The following FMN1 variants were observed in gnomAD, a reference collection of about 807,000 sequenced individuals.
FMN1 encodes the protein formin 1, also known as formin-1.
In FMN1, 110 loss-of-function variants were observed where a neutral mutation model predicts 132.4. That is an observed-to-expected ratio of 0.83 (90% CI 0.71 to 0.97). The LOEUF (loss-of-function observed/expected upper bound fraction) is 0.97. Ranked by LOEUF, FMN1 falls within the 50% of genes least tolerant of loss-of-function variation. The pLI, the probability that FMN1 is intolerant of heterozygous loss-of-function variation, is 0.00. For synonymous variants in FMN1, 722 were observed against 651.7 expected (o/e 1.11, Z -1.64); for missense variants, 1,792 against 1,705.3 (o/e 1.05, Z -0.90).
chr15:33,117,035 G>C (rs1428676533), intron 4 of FMN1, among the ~76,000 whole-genome samples: 1 of 152,150 alleles, frequency 6.6e-6, no homozygotes, highest in Non-Finnish European at 1.5e-5. Flanking sequence ...TTTCAGAGGA[G>C]CTATGGACGA....
intron 10 of FMN1, among the ~76,000 whole-genome samples, chr15:32,920,406 A>G (rs2060791581): frequency 6.6e-6 from 1 of 152,160 alleles, no homozygotes; most frequent in Non-Finnish European, 1.5e-5. Flanking sequence ...TTCTTCCTCT[A>G]CAACCAAGGC....
At chr15:33,074,758 G>A (rs2038133870) in intron 5 of FMN1, among the ~76,000 whole-genome samples, 1 of 152,126 alleles carries the variant, frequency 6.6e-6, no homozygotes, top group African/African-American at 2.4e-5. Flanking sequence ...GCTCACGCCT[G>A]TAATCCTAGC....
chr15:32,850,455 G>A (rs903034042), intron 17 of FMN1, among the ~76,000 whole-genome samples: 1 of 152,222 alleles, frequency 6.6e-6, no homozygotes, highest in African/African-American at 2.4e-5. Flanking sequence ...TCTGACCACA[G>A]AAATGTATTA....
chr15:32,909,893 A>T (rs895878490), intron 11 of FMN1, among the ~76,000 whole-genome samples: 16 of 151,424 alleles, frequency 1.1e-4, no homozygotes, highest in African/African-American at 3.4e-4. Flanking sequence ...AAAAAAAAAA[A>T]TCAGAGCCTA....
At position 32,777,680 on chromosome 15, in the gene FMN1, T is replaced by C. The variant is rs1388285947; in HGVS notation, c.4131-761A>G. On this transcript the variant is annotated intron_variant, in intron 19 of 20. Coordinates refer to ENST00000616417, the MANE Select transcript of FMN1 (RefSeq NM_001277313.2). ...TATTACGTATAACATAACACATTTA[T>C]ATATTACGTATAACATATAACACAT... is the stretch of plus-strand genomic sequence containing the variant. Among the ~76,000 whole-genome samples, 2 of 143,782 alleles carry C rather than the reference T, an allele frequency of 1.4e-5. 1 individual carries two copies. Among genetic ancestry groups the C allele is most frequent in the African/African-American group, 5.1e-5 (2 of 39,276 alleles). The allele number at this position is 143,782 out of a possible 152,430, so 94.3% of individuals were successfully genotyped here.
At chr15:32,817,723 T>C (rs2058095890) in intron 17 of FMN1, among the ~76,000 whole-genome samples, 1 of 152,166 alleles carries the variant, frequency 6.6e-6, no homozygotes, top group African/African-American at 2.4e-5. Context: ...TGAGGCTTGG[T>C]TTTTAAAGTG....
chr15:32,806,573 C>CA (rs1015874015), intron 17 of FMN1, among the ~76,000 whole-genome samples: 1 of 152,210 alleles, frequency 6.6e-6, no homozygotes, highest in African/African-American at 2.4e-5. Flanking sequence ...ATAGTATCTA[C>CA]AGTCTTCAAA....
intron 12 of FMN1, among the ~76,000 whole-genome samples, chr15:32,903,716 C>G (rs577759856): frequency 6.6e-6 from 1 of 152,176 alleles, no homozygotes; most frequent in East Asian, 1.9e-4. Flanking sequence ...TTACCTATAA[C>G]TAATCTCAAA....
chr15:33,074,330 A>C (rs950482872), intron 5 of FMN1, among the ~76,000 whole-genome samples: 1 of 152,212 alleles, frequency 6.6e-6, no homozygotes, highest in African/African-American at 2.4e-5. Context: ...TTACACATCT[A>C]GTTTTGTAGC....
rs184062530 is a variant in FMN1, at chr15:32,786,502, G to C, written c.4131-9583C>G. 3.2e-4 allele frequency among the ~76,000 whole-genome samples: 48 copies of C among 152,200 alleles called. 1 individual carries two copies. The highest frequency in any genetic ancestry group is 3.0e-3 in the Admixed American group (46 of 15,292). On this transcript the variant is annotated intron_variant, in intron 19 of 20. Coordinates refer to ENST00000616417, the MANE Select transcript of FMN1 (RefSeq NM_001277313.2). ...AAAAGTCAGAAAAGGGGTATATAGA[G>C]CTTCAAGGATGAAATACAAAAAGGA...
At chr15:33,105,442 T>A (rs962849850) in intron 4 of FMN1, among the ~76,000 whole-genome samples, 5 of 152,116 alleles carry the variant, frequency 3.3e-5, no homozygotes, top group African/African-American at 1.2e-4. Context: ...AAGACTCCCA[T>A]AATATTATCT....
chr15:32,997,827 G>A (rs1157052008), intron 7 of FMN1, among the ~76,000 whole-genome samples: 1 of 151,990 alleles, frequency 6.6e-6, no homozygotes, highest in African/African-American at 2.4e-5. Context: ...GCCCTTTCAG[G>A]AAAGGACAGA....
chr15:32,895,412 A>T (rs1043627631), intron 15 of FMN1, among the ~76,000 whole-genome samples: 20 of 152,138 alleles, frequency 1.3e-4, no homozygotes, highest in African/African-American at 4.3e-4. Context: ...ATACATGTAT[A>T]AATTAGGAAA....
chr15:33,108,838 A>C (rs2039586832), intron 4 of FMN1, among the ~76,000 whole-genome samples: 1 of 152,102 alleles, frequency 6.6e-6, no homozygotes, highest in Non-Finnish European at 1.5e-5. Flanking sequence ...TAAAACCCAA[A>C]AAGCAATTCA....
chr15:32,774,209 A>T lies in FMN1; in HGVS notation c.*101T>A, dbSNP rs1050026926. Reference sequence around the variant, plus strand: ...AAGAGATGAGCAAAAACAAACATTTAGTGACACATCTTTCAAGAACGTCCT... The same window carrying T: ...AAGAGATGAGCAAAAACAAACATTTTGTGACACATCTTTCAAGAACGTCCT... On this transcript the variant is annotated 3_prime_UTR_variant, in exon 21 of 21. Coordinates refer to ENST00000616417, the MANE Select transcript of FMN1 (RefSeq NM_001277313.2). 4 of 899,928 alleles carry T rather than the reference A, an allele frequency of 4.4e-6. No individual in the cohort carries two copies. The highest frequency in any genetic ancestry group is 2.3e-5 in the Admixed American group (1 of 43,092). 55.7% of individuals were successfully genotyped at this position (899,928 alleles called of 1,614,324 possible).
chr15:32,957,529 C>T (rs760048503), intron 9 of FMN1, among the ~76,000 whole-genome samples: 3 of 151,852 alleles, frequency 2.0e-5, no homozygotes, highest in Non-Finnish European at 4.4e-5. Context: ...GTATCACTAA[C>T]GGAAGTTGTG....
At chr15:32,889,211 C>T (rs553205108) in intron 15 of FMN1, among the ~76,000 whole-genome samples, 1 of 152,332 alleles carries the variant, frequency 6.6e-6, no homozygotes, top group South Asian at 2.1e-4. Context: ...ACAAGCTCCA[C>T]TGCTATAGCT....
Position 32,859,229 on chromosome 15 carries a change from TG to T in FMN1, c.3836-2123del, listed in dbSNP as rs1376624400. On this transcript the variant is annotated intron_variant, in intron 16 of 20. Transcript: ENST00000616417. ...TAAATTGTAAGGCAATCTTGTCCCC[TG>T]AAAACAAAGGGGGAAAGGTACAAAA... is the stretch of plus-strand genomic sequence containing the variant. Among the ~76,000 whole-genome samples, 3 of 152,304 alleles carry T rather than the reference TG, an allele frequency of 2.0e-5. No individual in the cohort carries two copies. The East Asian group carries it at 5.8e-4, about 29-fold the overall frequency.
chr15:32,994,232 T>TCTCTCTCTCTCTCTCTCTCTCA lies in FMN1; in HGVS notation c.2223+13781_2223+13782insTGAGAGAGAGAGAGAGAGAGAG, dbSNP rs904998781. Among the ~76,000 whole-genome samples, 187 of 37,232 alleles carry TCTCTCTCTCTCTCTCTCTCTCA rather than the reference T, an allele frequency of 5.0e-3. 3 individuals are homozygous for TCTCTCTCTCTCTCTCTCTCTCA. The South Asian group carries it at 0.06, about 12-fold the overall frequency. The allele number at this position is 37,232 out of a possible 152,430, so 24.4% of individuals were successfully genotyped here. ...TCATTCCTCTCTCTCTCTCTCTCTCTCACACACACACACACACAGACACAC... is the reference window on the plus strand; with the variant it reads ...TCATTCCTCTCTCTCTCTCTCTCTCTCTCTCTCTCTCTCTCTCTCTCACACACACACACACACACAGACACAC... On this transcript the variant is annotated intron_variant, in intron 7 of 20. Transcript: ENST00000616417.
Sources: allele counts gnomAD v4.1 joint callset (sites outside exome capture counted in the v4.1 genomes callset), GRCh38; gene constraint gnomAD v4.1.1; transcripts MANE v1.5; gene names NCBI Gene and HGNC (gene_info 2026-07-23, HGNC 2026-07-21).